INTS6: variants seen among roughly 807,000 people sequenced by gnomAD.
INTS6 encodes the protein DEAD box protein.
Under a neutral mutation model 104.9 loss-of-function variants are expected in INTS6, and 16 were observed. The ratio of observed to expected loss-of-function variants is 0.15; its 90% CI spans 0.10 to 0.23. The LOEUF is 0.23. INTS6 is among the 10% of genes least tolerant of loss of function. INTS6 has a pLI of 1.00. For synonymous variants in INTS6, 324 were observed against 358.7 expected (o/e 0.90, Z 1.09); for missense variants, 584 against 1,062.8 (o/e 0.55, Z 6.26).
intron 4 of INTS6, among the ~76,000 whole-genome samples, chr13:51,401,218 GACT>G (rs1956432474): frequency 6.6e-6 from 1 of 151,874 alleles, no homozygotes; most frequent in Admixed American, 6.5e-5. Context: ...CAAGAAGGTA[GACT>G]ACTTCCTGAA....
In INTS6 at chr13:51,365,202, G is replaced by A. The variant is rs1955662094; in HGVS notation, c.*550C>T. Reference sequence around the variant, plus strand: ...GTTTTTAAATGATTACTTTAAATGTGATTATTTCCTAAACCACACAAGAGT... The same window carrying A: ...GTTTTTAAATGATTACTTTAAATGTAATTATTTCCTAAACCACACAAGAGT... On this transcript the variant is annotated 3_prime_UTR_variant, in exon 18 of 18. Coordinates refer to ENST00000311234, the MANE Select transcript of INTS6 (RefSeq NM_012141.3). The A allele has an allele frequency of 6.6e-6, 1 of 152,458 alleles. No individual in the cohort carries two copies. Among genetic ancestry groups the A allele is most frequent in the Non-Finnish European group, 1.5e-5 (1 of 67,962 alleles). The allele number at this position is 152,458 out of a possible 1,614,324, so 9.4% of individuals were successfully genotyped here.
chr13:51,382,157 C>T, intron 9 of INTS6, 34 bp from the exon 10 acceptor site: 6 of 1,333,006 alleles, frequency 4.5e-6, no homozygotes, highest in Non-Finnish European at 6.4e-6. Context: ...ACTATCACTA[C>T]TCATTATTTT....
At chr13:51,434,705 G>A (rs1957155597) in intron 3 of INTS6, among the ~76,000 whole-genome samples, 1 of 152,004 alleles carries the variant, frequency 6.6e-6, no homozygotes, top group Non-Finnish European at 1.5e-5. Flanking sequence ...TACATCACTA[G>A]CAGAAAGTGA....
At chr13:51,388,377 TTTTTTGTTTTTG>T (rs569751540) in intron 6 of INTS6, among the ~76,000 whole-genome samples, 4 of 151,816 alleles carry the variant, frequency 2.6e-5, no homozygotes, top group Non-Finnish European at 5.9e-5. Context: ...TGTTTTGTTT[TTTTTTGTTTTTG>T]TTTTTGTTTT....
In INTS6 at chr13:51,374,684, T is replaced by A. The variant is rs1002112557; in HGVS notation, c.1842A>T (p.Thr614=). The A allele has an allele frequency of 6.2e-7, 1 of 1,613,210 alleles. No homozygotes were observed. The highest frequency in any genetic ancestry group is 1.3e-5 in the African/African-American group (1 of 74,914). Residue 614 remains threonine, a synonymous_variant, in exon 14 of 18, where the codon ACA becomes ACT. Transcript: ENST00000311234. ...LDPDQPRRLH[T]FGNPFKLDKK... The stretch of plus-strand genomic sequence containing the variant: ...TATCCAGCTTAAAGGGGTTGCCAAA[T>A]GTATGCAACCTTCGTGGCTGATCAG...
At position 51,378,344 on chromosome 13, in the gene INTS6, T is replaced by C; in HGVS notation, c.1497A>G (p.Lys499=). ...TTCCCTGGAGGAGTTGTTGAAAATC[T>C]TTCCTATATGCCATTGATAAACCAT... ...RSHGLSMAYR[K]DFQQLLQGIS... is the part of the protein sequence containing the mutation. Residue 499 remains lysine (K), a synonymous_variant, in exon 12 of 18, where the codon AAA becomes AAG. Coordinates refer to ENST00000311234, the MANE Select transcript of INTS6 (RefSeq NM_012141.3). The C allele has an allele frequency of 6.2e-7, 1 of 1,613,516 alleles. No individual in the cohort carries two copies. The highest frequency in any genetic ancestry group is 8.5e-7 in the Non-Finnish European group (1 of 1,179,476).
At chr13:51,405,350 GA>G (rs1956542745) in intron 4 of INTS6, among the ~76,000 whole-genome samples, 1 of 152,092 alleles carries the variant, frequency 6.6e-6, no homozygotes, top group South Asian at 2.1e-4. Context: ...AGTACATGAG[GA>G]AAGAAAGAGG....
At position 51,383,322 on chromosome 13, in the gene INTS6, G is replaced by T; in HGVS notation, c.1180+7C>A. On this transcript the variant is annotated splice_region_variant and intron_variant, in intron 9 of 17. Transcript: ENST00000311234. The stretch of plus-strand genomic sequence containing the variant: ...AAGCCAAGGAGAAAGTGACAAGAAT[G>T]ACTTACCTAAGAGGGGAAGAAGGAC... 2 of 1,597,708 alleles carry T rather than the reference G, an allele frequency of 1.3e-6. No homozygotes were observed. Among genetic ancestry groups the T allele is most frequent in the South Asian group, 2.3e-5 (2 of 87,724 alleles).
the INTS6 span, among the ~76,000 whole-genome samples, chr13:51,347,935 G>A: frequency 6.7e-6 from 1 of 149,570 alleles, no homozygotes; most frequent in Non-Finnish European, 1.5e-5. Context: ...ACTACTCTAT[G>A]TGGTTCTGCA....
At chr13:51,338,731 A>C in the INTS6 span, among the ~76,000 whole-genome samples, 1 of 152,226 alleles carries the variant, frequency 6.6e-6, no homozygotes. Flanking sequence ...AACTGTAACT[A>C]TCCTAAGACC....
rs772995342 is a variant in INTS6, at chr13:51,430,403, T to A, written c.340-20A>T. On this transcript the variant is annotated intron_variant, in intron 3 of 17. Coordinates refer to ENST00000311234, the MANE Select transcript of INTS6 (RefSeq NM_012141.3). ...TCTTCCCTAAAGTCAAAAAACACAT[T>A]GATCATACAAAGATTTAGACTTTGG... is the stretch of plus-strand genomic sequence containing the variant. 4 of 1,582,514 alleles carry A rather than the reference T, an allele frequency of 2.5e-6. No individual in the cohort carries two copies. The highest frequency in any genetic ancestry group is 3.5e-6 in the Non-Finnish European group (4 of 1,156,624).
intron 5 of INTS6, among the ~76,000 whole-genome samples, chr13:51,390,622 C>G (rs1478771187): frequency 1.3e-5 from 2 of 152,048 alleles, no homozygotes; most frequent in Non-Finnish European, 2.9e-5. Flanking sequence ...CAAGCTACAT[C>G]ATTACATTTG....
intron 16 of INTS6, 61 bp from the exon 17 acceptor site, chr13:51,367,959 A>G: frequency 3.3e-6 from 3 of 899,794 alleles, no homozygotes; most frequent in Admixed American, 2.9e-5. Flanking sequence ...CTTATTCAAT[A>G]TTCTTCTTTT....
At chr13:51,416,455 A>C (rs973335905) in intron 4 of INTS6, among the ~76,000 whole-genome samples, 4 of 152,196 alleles carry the variant, frequency 2.6e-5, no homozygotes, top group African/African-American at 9.7e-5. Context: ...TGCCTATTCT[A>C]GACACTTCAT....
chr13:51,348,462 A>AGCGTGGAT, the INTS6 span: 2 of 1,531,848 alleles, frequency 1.3e-6, no homozygotes, highest in Non-Finnish European at 1.8e-6. Flanking sequence ...CAGTCAGAAG[A>AGCGTGGAT]GCGTGGATTT....
chr13:51,425,445 G>A (rs1243514617), intron 4 of INTS6, among the ~76,000 whole-genome samples: 1 of 152,060 alleles, frequency 6.6e-6, no homozygotes, highest in East Asian at 1.9e-4. Flanking sequence ...TTCTCTCAAC[G>A]TTAGCCTCCA....
At chr13:51,451,745 C>CGCA (rs1555293056) in intron 2 of INTS6, among the ~76,000 whole-genome samples, 2 of 149,888 alleles carry the variant, frequency 1.3e-5, no homozygotes, top group Non-Finnish European at 3.0e-5. Context: ...CCGCCGCCGC[C>CGCA]GCTGCCGGGC....
intron 10 of INTS6, among the ~76,000 whole-genome samples, chr13:51,381,608 C>CA (rs1956050422): frequency 6.6e-6 from 1 of 151,944 alleles, no homozygotes; most frequent in Admixed American, 6.6e-5. Context: ...TCTGTATGCT[C>CA]AATTTTCATG....
intron 7 of INTS6, chr13:51,385,393 A>G (rs1956125527): frequency 2.0e-5 from 3 of 152,224 alleles, no homozygotes; most frequent in African/African-American, 4.8e-5. Flanking sequence ...TCCTGTGCCT[A>G]GCATGCACCT....
Sources: gnomAD v4.1 joint callset for allele counts (sites outside exome capture counted in the v4.1 genomes callset) on GRCh38, gnomAD v4.1.1 for gene constraint, MANE v1.5 for transcripts, NCBI Gene and HGNC (gene_info 2026-07-23, HGNC 2026-07-21) for gene names.